HNF4G: variants seen among roughly 807,000 people sequenced by gnomAD.
HNF4G encodes the protein hepatocyte nuclear factor 4-gamma.
HNF4G carries 21 observed loss-of-function variants against 50.9 expected under a neutral mutation model. The ratio of observed to expected loss-of-function variants is 0.41; its 90% CI spans 0.29 to 0.59. The LOEUF is 0.59. Among genes scored for constraint, HNF4G ranks in the 20% least tolerant of loss-of-function variants. The pLI is 0.26. For synonymous variants in HNF4G, 198 were observed against 185.6 expected (o/e 1.07, Z -0.54); for missense variants, 527 against 559.4 (o/e 0.94, Z 0.58).
intron 2 of HNF4G, among the ~76,000 whole-genome samples, chr8:75,532,310 AT>A (rs1232907566): frequency 1.3e-5 from 2 of 151,928 alleles, no homozygotes; most frequent in African/African-American, 4.8e-5. Flanking sequence ...TATACCAATT[AT>A]TTTTTCTTTC....
At chr8:75,412,813 G>A (rs960876564) in intron 1 of HNF4G, among the ~76,000 whole-genome samples, 9 of 151,876 alleles carry the variant, frequency 5.9e-5, no homozygotes, top group Admixed American at 5.2e-4. Flanking sequence ...AAGTTATAGG[G>A]TCTCTACACG....
chr8:75,539,825 C>A (rs1377726666), upstream of HNF4G: 1 of 570,138 alleles, frequency 1.8e-6, no homozygotes, highest in Non-Finnish European at 3.2e-6. Flanking sequence ...GTTTTACAGC[C>A]CCTCCCATTG....
At chr8:75,490,127 T>C (rs1320517365) in exon 2 of HNF4G, 2 of 152,632 alleles carry the variant, frequency 1.3e-5, no homozygotes, top group Non-Finnish European at 2.9e-5. Context: ...ATATTGACAC[T>C]ACAGAAAAAA....
At chr8:75,420,791 G>C (rs1231875561) in intron 1 of HNF4G, among the ~76,000 whole-genome samples, 1 of 152,174 alleles carries the variant, frequency 6.6e-6, no homozygotes, top group Non-Finnish European at 1.5e-5. Flanking sequence ...AGAAGGCCAG[G>C]CAGCAAGAGG....
chr8:75,526,701 TA>T (rs199691065), intron 2 of HNF4G, among the ~76,000 whole-genome samples: 2 of 150,636 alleles, frequency 1.3e-5, no homozygotes, highest in East Asian at 4.0e-4. Flanking sequence ...CAAGACTAAT[TA>T]AAATTTTTTT....
chr8:75,469,446 T>C (rs552438280), intron 1 of HNF4G, among the ~76,000 whole-genome samples: 1 of 152,320 alleles, frequency 6.6e-6, no homozygotes, highest in South Asian at 2.1e-4. Context: ...TAATTTTTTG[T>C]TTGTTTTGCC....
chr8:75,435,645 G>T (rs112436936), intron 1 of HNF4G, among the ~76,000 whole-genome samples: 27 of 152,142 alleles, frequency 1.8e-4, no homozygotes, highest in Non-Finnish European at 3.7e-4. Context: ...CCAGGCTGGA[G>T]TGCAGTGGCA....
chr8:75,560,353 A>G lies in HNF4G; in HGVS notation c.1133A>G (p.Asn378Ser), dbSNP rs373673448. 4.6e-5 allele frequency: 75 copies of G among 1,613,140 alleles called. No homozygotes were observed. Among genetic ancestry groups the G allele is most frequent in the African/African-American group, 9.3e-5 (7 of 74,904 alleles). ...LQEMLLGGAS[N>S]DGSHLHHPMH... ...TTTTTATCTTTTGTAGGGGCTTCCAATGATGGCAGTCATCTCCATCATCCA... is the reference window on the plus strand; with the variant it reads ...TTTTTATCTTTTGTAGGGGCTTCCAGTGATGGCAGTCATCTCCATCATCCA... The change falls in exon 9 of 10, where the codon AAT becomes AGT. Residue 378 changes from asparagine to serine, a missense_variant. Physicochemically the swap from Asn to Ser is conservative, Grantham distance 46 (BLOSUM62 1). Coordinates refer to ENST00000396423, the MANE Select transcript of HNF4G (RefSeq NM_004133.5).
chr8:75,492,970 CTT>C (rs1217747440), intron 2 of HNF4G, among the ~76,000 whole-genome samples: 1 of 151,718 alleles, frequency 6.6e-6, no homozygotes, highest in Non-Finnish European at 1.5e-5. Context: ...CTGCACATGA[CTT>C]TGTGCAAGAA....
intron 2 of HNF4G, among the ~76,000 whole-genome samples, chr8:75,514,563 G>T (rs1805844708): frequency 6.6e-6 from 1 of 151,750 alleles, no homozygotes; most frequent in Non-Finnish European, 1.5e-5. Context: ...ATGTTGGCCA[G>T]GCTGGTCTCG....
chr8:75,437,259 C>T (rs900043585), intron 1 of HNF4G, among the ~76,000 whole-genome samples: 2 of 152,142 alleles, frequency 1.3e-5, no homozygotes, highest in East Asian at 1.9e-4. Context: ...TAAACATATT[C>T]GCACGTATCT....
At chr8:75,488,573 C>T (rs1266637461) in intron 1 of HNF4G, among the ~76,000 whole-genome samples, 4 of 152,066 alleles carry the variant, frequency 2.6e-5, no homozygotes, top group East Asian at 3.9e-4. Flanking sequence ...CCACTATGCC[C>T]GGCCTCATTG....
chr8:75,490,125 A>G (rs1812589889), exon 2 of HNF4G: 1 of 152,652 alleles, frequency 6.6e-6, no homozygotes, highest in Non-Finnish European at 1.5e-5. Flanking sequence ...AGATATTGAC[A>G]CTACAGAAAA....
At chr8:75,437,707 A>T (rs1811172017) in intron 1 of HNF4G, among the ~76,000 whole-genome samples, 1 of 152,054 alleles carries the variant, frequency 6.6e-6, no homozygotes, top group South Asian at 2.1e-4. Context: ...ATAAAAAAAG[A>T]AATGTTAATA....
At chr8:75,439,547 A>G (rs748352565) in intron 1 of HNF4G, among the ~76,000 whole-genome samples, 2 of 152,082 alleles carry the variant, frequency 1.3e-5, no homozygotes, top group Non-Finnish European at 2.9e-5. Flanking sequence ...ATTAAAAAAC[A>G]TATTACATTT....
At chr8:75,517,467 G>A (rs1344310107) in intron 2 of HNF4G, among the ~76,000 whole-genome samples, 2 of 152,124 alleles carry the variant, frequency 1.3e-5, no homozygotes, top group Non-Finnish European at 1.5e-5. Flanking sequence ...TACGATGGGG[G>A]TACAGGCATT....
At chr8:75,436,825 C>A (rs1355877950) in intron 1 of HNF4G, among the ~76,000 whole-genome samples, 1 of 70,740 alleles carries the variant, frequency 1.4e-5, no homozygotes, top group African/African-American at 8.7e-5. Context: ...GGGAGGATCA[C>A]TTGAGGCCAG....
chr8:75,521,029 T>C (rs1184432603), intron 2 of HNF4G, among the ~76,000 whole-genome samples: 2 of 152,158 alleles, frequency 1.3e-5, no homozygotes, highest in Non-Finnish European at 2.9e-5. Flanking sequence ...GTTTTCTGCA[T>C]TTGCATTTAC....
intron 1 of HNF4G, among the ~76,000 whole-genome samples, chr8:75,448,287 G>C (rs1249247962): frequency 9.1e-6 from 1 of 109,464 alleles, no homozygotes; most frequent in Admixed American, 1.1e-4. Flanking sequence ...CTGTGGTGGG[G>C]TGGGGGGAGG....
Sources: allele counts gnomAD v4.1 joint callset (sites outside exome capture counted in the v4.1 genomes callset), GRCh38; gene constraint gnomAD v4.1.1; transcripts MANE v1.5; gene names NCBI Gene and HGNC (gene_info 2026-07-23, HGNC 2026-07-21).